NELL2: variants seen among roughly 807,000 people sequenced by gnomAD.
NELL2 encodes the protein neural EGFL like 2, also known as protein kinase C-binding protein NELL2.
In NELL2, 41 loss-of-function variants were observed where a neutral mutation model predicts 109.6. The observed-to-expected ratio is 0.37, with a 90% CI of 0.29 to 0.49. The LOEUF (loss-of-function observed/expected upper bound fraction) is 0.49, where lower values mean the gene tolerates loss of function less well. NELL2 is among the 20% of genes least tolerant of loss of function. The probability of loss-of-function intolerance (pLI) is 0.98; values close to 1 mark genes in which losing one functional copy is unlikely to be tolerated. For missense variants in NELL2, 900 were observed against 1,008.3 expected (o/e 0.89, Z 1.45); for synonymous variants, 355 against 344.7 (o/e 1.03, Z -0.33).
chr12:44,701,541 C>G (rs1220961729), intron 12 of NELL2, among the ~76,000 whole-genome samples: 1 of 152,012 alleles, frequency 6.6e-6, no homozygotes, highest in African/African-American at 2.4e-5. Context: ...AATCTCTGGC[C>G]CCTTTCCTTA....
intron 13 of NELL2, among the ~76,000 whole-genome samples, chr12:44,625,354 C>T (rs949728628): frequency 6.6e-6 from 1 of 151,946 alleles, no homozygotes; most frequent in Non-Finnish European, 1.5e-5. Context: ...ATTGGCCCCA[C>T]CATAATGGCA....
chr12:44,605,580 T>A (rs1373163913), intron 15 of NELL2, among the ~76,000 whole-genome samples: 1 of 152,182 alleles, frequency 6.6e-6, no homozygotes, highest in African/African-American at 2.4e-5. Flanking sequence ...ATTAATTTTA[T>A]GCCATTCCAG....
rs1421175675 is a variant in NELL2, at chr12:44,508,639, TG to T, written c.*294del. ...AAGCTAGAGGCTTTCACAGATCCAA[TG>T]GGCTCAGGCTTTCTATCCAGGGTTC... is the stretch of plus-strand genomic sequence containing the variant. On this transcript the variant is annotated 3_prime_UTR_variant, in exon 20 of 20. Coordinates refer to ENST00000429094, the MANE Select transcript of NELL2 (RefSeq NM_001145108.2). 5 of 238,600 alleles carry T rather than the reference TG, an allele frequency of 2.1e-5. No individual in the cohort carries two copies. Among genetic ancestry groups the T allele is most frequent in the Non-Finnish European group, 4.0e-5 (5 of 124,350 alleles). 14.8% of individuals were successfully genotyped at this position (238,600 alleles called of 1,614,324 possible).
At chr12:44,537,875 T>C (rs1407000676) in intron 15 of NELL2, among the ~76,000 whole-genome samples, 1 of 152,156 alleles carries the variant, frequency 6.6e-6, no homozygotes, top group East Asian at 1.9e-4. Flanking sequence ...AGAAGACTGA[T>C]TTTCTCATGA....
At chr12:44,566,900 C>T (rs1438476502) in intron 15 of NELL2, among the ~76,000 whole-genome samples, 6 of 152,024 alleles carry the variant, frequency 3.9e-5, no homozygotes, top group Non-Finnish European at 8.8e-5. Flanking sequence ...AAACATCCAC[C>T]TCTCGGGTTC....
At chr12:44,870,975 GC>G (rs1285539819) in intron 2 of NELL2, among the ~76,000 whole-genome samples, 1 of 151,962 alleles carries the variant, frequency 6.6e-6, no homozygotes, top group Non-Finnish European at 1.5e-5. Flanking sequence ...TATTAGTATA[GC>G]CTACCATGTA....
At chr12:44,890,939 A>T (rs530695120) in intron 1 of NELL2, among the ~76,000 whole-genome samples, 201 of 152,280 alleles carry the variant, frequency 1.3e-3, no homozygotes, top group African/African-American at 4.5e-3. Flanking sequence ...CATGTTAGCA[A>T]GGCTGGTCTT....
chr12:44,728,503 G>T (rs1433021344), intron 9 of NELL2, among the ~76,000 whole-genome samples: 1 of 152,056 alleles, frequency 6.6e-6, no homozygotes, highest in African/African-American at 2.4e-5. Flanking sequence ...AACATCAAGT[G>T]AACCAACTTA....
At chr12:44,567,603 T>A (rs548977916) in intron 15 of NELL2, among the ~76,000 whole-genome samples, 13 of 152,254 alleles carry the variant, frequency 8.5e-5, no homozygotes, top group South Asian at 4.1e-4. Flanking sequence ...AAATATAGCC[T>A]AGAAATATGG....
chr12:44,544,130 C>A (rs946624277), intron 15 of NELL2, among the ~76,000 whole-genome samples: 1 of 151,778 alleles, frequency 6.6e-6, no homozygotes, highest in South Asian at 2.1e-4. Flanking sequence ...TGATACGATG[C>A]GAAATGAAGG....
At chr12:44,662,865 G>A (rs148904511) in intron 13 of NELL2, among the ~76,000 whole-genome samples, 56 of 152,174 alleles carry the variant, frequency 3.7e-4, no homozygotes, top group African/African-American at 1.3e-3. Context: ...GAAGGGCAGG[G>A]ATACAGAAGC....
intron 13 of NELL2, among the ~76,000 whole-genome samples, chr12:44,635,185 C>G (rs1946591694): frequency 6.6e-6 from 1 of 152,064 alleles, no homozygotes; most frequent in Non-Finnish European, 1.5e-5. Context: ...GATACTAGCC[C>G]TTTGTCAGTT....
chr12:44,766,547 T>C (rs1468798414), intron 9 of NELL2, among the ~76,000 whole-genome samples: 1 of 152,250 alleles, frequency 6.6e-6, no homozygotes, highest in Non-Finnish European at 1.5e-5. Flanking sequence ...AATAAGCTCA[T>C]TTTTAAACAA....
At chr12:44,781,114 A>G (rs1003772630) in intron 3 of NELL2, among the ~76,000 whole-genome samples, 6 of 152,156 alleles carry the variant, frequency 3.9e-5, no homozygotes, top group Admixed American at 3.3e-4. Flanking sequence ...AATATTTTAC[A>G]GCAGCACTGA....
At chr12:44,845,346 G>A (rs1230504485) in intron 2 of NELL2, among the ~76,000 whole-genome samples, 1 of 152,210 alleles carries the variant, frequency 6.6e-6, no homozygotes, top group Non-Finnish European at 1.5e-5. Context: ...GGGGACAGGA[G>A]TGGTGAACAG....
chr12:44,585,832 T>C (rs1055988577), intron 15 of NELL2, among the ~76,000 whole-genome samples: 4 of 152,002 alleles, frequency 2.6e-5, no homozygotes, highest in African/African-American at 9.7e-5. Context: ...GGGCAAGAGA[T>C]GCTGCTAATC....
chr12:44,748,218 T>C (rs1344126352), intron 9 of NELL2, among the ~76,000 whole-genome samples: 2 of 152,146 alleles, frequency 1.3e-5, no homozygotes, highest in African/African-American at 4.8e-5. Flanking sequence ...ATAAATAACA[T>C]TAGTATTCAT....
chr12:44,677,412 T>C (rs542766049), intron 12 of NELL2, among the ~76,000 whole-genome samples: 1 of 152,232 alleles, frequency 6.6e-6, no homozygotes, highest in Non-Finnish European at 1.5e-5. Context: ...AGTCACTCAG[T>C]TCTCCCACTC....
intron 1 of NELL2, among the ~76,000 whole-genome samples, chr12:44,885,045 G>A (rs1204823540): frequency 6.6e-6 from 1 of 151,988 alleles, no homozygotes; most frequent in Non-Finnish European, 1.5e-5. Context: ...TTGGGAGGCT[G>A]AGGCAGGCGG....
Sources: allele counts gnomAD v4.1 joint callset (sites outside exome capture counted in the v4.1 genomes callset), GRCh38; gene constraint gnomAD v4.1.1; transcripts MANE v1.5; gene names NCBI Gene and HGNC (gene_info 2026-07-23, HGNC 2026-07-21).